Variants in ZNF367 observed in about 807,000 individuals in gnomAD.
The protein encoded by ZNF367 is C2H2 zinc finger protein ZFF29.
In ZNF367, 11 loss-of-function variants were observed where a neutral mutation model predicts 31.8. That is an observed-to-expected ratio of 0.35 (90% CI 0.22 to 0.57). The LOEUF is 0.57. ZNF367 is among the 20% of genes least tolerant of loss of function. The pLI is 0.85. For missense variants in ZNF367, 353 were observed against 484.1 expected (o/e 0.73, Z 2.54); for synonymous variants, 199 against 202.4 (o/e 0.98, Z 0.14).
intron 1 of ZNF367, among the ~76,000 whole-genome samples, chr9:96,406,666 G>A (rs1468226130): frequency 6.6e-6 from 1 of 152,092 alleles, no homozygotes; most frequent in African/African-American, 2.4e-5. Context: ...TTTTATGTTG[G>A]TAAATTCTCA....
At chr9:96,396,498 A>G (rs1354920155) in intron 2 of ZNF367, among the ~76,000 whole-genome samples, 3 of 152,022 alleles carry the variant, frequency 2.0e-5, no homozygotes, top group Non-Finnish European at 2.9e-5. Context: ...ATTTTCAAAA[A>G]CCACAAGTTA....
intron 2 of ZNF367, among the ~76,000 whole-genome samples, chr9:96,397,316 T>C (rs1831544952): frequency 7.3e-6 from 1 of 137,114 alleles, no homozygotes; most frequent in African/African-American, 3.2e-5. Flanking sequence ...CCCTCTATAC[T>C]TTTTTTTTTT....
intron 1 of ZNF367, among the ~76,000 whole-genome samples, chr9:96,415,479 A>ATTTTTTTTTTTTT (rs56349404): frequency 2.6e-5 from 1 of 37,756 alleles, no homozygotes; most frequent in Non-Finnish European, 4.8e-5. Flanking sequence ...TAGTTTCTTC[A>ATTTTTTTTTTTTT]TTTTTTTTTT....
chr9:96,417,732 C>T lies in ZNF367; in HGVS notation c.301G>A (p.Ala101Thr). 8.2e-7 allele frequency: 1 copy of T among 1,225,354 alleles called. No individual in the cohort carries two copies. The highest frequency in any genetic ancestry group is 1.0e-6 in the Non-Finnish European group (1 of 982,880). 75.9% of individuals were successfully genotyped at this position (1,225,354 alleles called of 1,614,324 possible). A position where few individuals can be genotyped will look rare whatever the true frequency, so the allele number is the denominator to read the frequency against. Residue 101 changes from alanine (A) to threonine (T), a missense_variant, in exon 1 of 5, where the codon GCC (alanine) becomes ACC (threonine). Ala to Thr is a moderately conservative substitution (Grantham distance 58). Around this residue, in one of 5 missense-constraint regions of ZNF367, gnomAD observed 70 missense variants for 57.1 expected, o/e 1.23. Transcript: ENST00000375256. The surrounding 1 kb of genome is among the most constrained non-coding windows in gnomAD (Gnocchi z 5.0). ...CGGCCACGAAGCCCCGAGTGCTCGGCGGCTGCGGCTGCAGGCAGGGCGGCC... is the reference window on the plus strand; with the variant it reads ...CGGCCACGAAGCCCCGAGTGCTCGGTGGCTGCGGCTGCAGGCAGGGCGGCC... The part of the protein sequence containing the change: ...ASAALPAAAA[A>T]EHSGLRGRGA...
intron 1 of ZNF367, among the ~76,000 whole-genome samples, chr9:96,399,798 A>G (rs1210589735): frequency 6.6e-6 from 1 of 152,178 alleles, no homozygotes; most frequent in East Asian, 1.9e-4. Flanking sequence ...GGCCTGGGTG[A>G]CAGAGCAAGA....
intron 1 of ZNF367, among the ~76,000 whole-genome samples, chr9:96,416,521 C>T (rs1361845418): frequency 6.6e-6 from 1 of 152,168 alleles, no homozygotes; most frequent in Non-Finnish European, 1.5e-5. Context: ...AAAACCCAAA[C>T]AATGTAGTTT....
chr9:96,405,673 T>TA (rs996856744), intron 1 of ZNF367, among the ~76,000 whole-genome samples: 10 of 152,202 alleles, frequency 6.6e-5, no homozygotes, highest in African/African-American at 1.4e-4. Context: ...AACAGTATGC[T>TA]AAAAAAAGAA....
In ZNF367 at chr9:96,385,960, T is replaced by C. The variant is rs1260251701; in HGVS notation, c.*2277A>G. The C allele has an allele frequency of 6.6e-6, 1 of 152,190 alleles. No individual in the cohort carries two copies. The highest frequency in any genetic ancestry group is 1.5e-5 in the Non-Finnish European group (1 of 68,028). 9.4% of individuals were successfully genotyped at this position (152,190 alleles called of 1,614,324 possible). On this transcript the variant is annotated 3_prime_UTR_variant, in exon 5 of 5. Transcript: ENST00000375256. Reference sequence around the variant, plus strand: ...TTTAAATTTTAAATTAAAATAAATTTTTATTCAAAGCATCTTTTAAAATTA... The same window carrying C: ...TTTAAATTTTAAATTAAAATAAATTCTTATTCAAAGCATCTTTTAAAATTA...
At position 96,398,183 on chromosome 9, in the gene ZNF367, A is replaced by G. The variant is rs187887321; in HGVS notation, c.552T>C (p.Ala184=). Residue 184 remains alanine, a synonymous_variant, in exon 2 of 5, where the codon GCT becomes GCC. Transcript: ENST00000375256. ...ACTTACCTGTATGAGTCCTTTTGTG[A>G]GCCTGGAGCGATTTCTCCCGTGGAA... The part of the protein sequence containing the change: ...RVFPREKSLQ[A]HKRTHTGERP... 11 of 1,553,098 alleles carry G rather than the reference A, an allele frequency of 7.1e-6. No individual in the cohort carries two copies. Among genetic ancestry groups the G allele is most frequent in the Middle Eastern group, 1.8e-4 (1 of 5,712 alleles).
intron 1 of ZNF367, among the ~76,000 whole-genome samples, chr9:96,402,714 C>T (rs538434716): frequency 3.3e-5 from 5 of 149,338 alleles, no homozygotes; most frequent in African/African-American, 9.9e-5. Context: ...TCAAGTGATC[C>T]GCCCACCTCG....
At chr9:96,393,538 T>A (rs1831496451) in intron 3 of ZNF367, among the ~76,000 whole-genome samples, 1 of 131,388 alleles carries the variant, frequency 7.6e-6, no homozygotes, top group Non-Finnish European at 1.6e-5. Flanking sequence ...AAAAAATAAA[T>A]AAATAAATAA....
intron 1 of ZNF367, among the ~76,000 whole-genome samples, chr9:96,401,002 G>T (rs544892288): frequency 6.6e-6 from 1 of 152,282 alleles, no homozygotes; most frequent in Non-Finnish European, 1.5e-5. Context: ...AAGGCAGGAG[G>T]ATCACTTGAA....
rs1012208854 is a variant in ZNF367 at position 96,418,065 on chromosome 9, G to A, written c.-33C>T. ...CCCGACCCCCAGCTCCGGCGGCCCC[G>A]GGCCGCACTCCTGAGCACCGCTCTG... On this transcript the variant is annotated 5_prime_UTR_variant, in exon 1 of 5. Coordinates refer to ENST00000375256, the MANE Select transcript of ZNF367 (RefSeq NM_153695.4). The A allele has an allele frequency of 2.4e-5, 33 of 1,351,036 alleles. No individual in the cohort carries two copies. The highest frequency in any genetic ancestry group is 3.1e-5 in the Non-Finnish European group (33 of 1,057,138). 83.7% of individuals were successfully genotyped at this position (1,351,036 alleles called of 1,614,324 possible).
chr9:96,413,295 C>G (rs1243704262), intron 1 of ZNF367, among the ~76,000 whole-genome samples: 1 of 152,186 alleles, frequency 6.6e-6, no homozygotes, highest in Non-Finnish European at 1.5e-5. Context: ...GAAATGCTTA[C>G]TCTGTGCCAG....
Position 96,389,623 on chromosome 9 carries a change from T to G in ZNF367, c.831-1164A>C, listed in dbSNP as rs370792135. Among the ~76,000 whole-genome samples the G allele has an allele frequency of 3.7e-4, 57 of 152,348 alleles. 1 individual carries two copies. The East Asian group carries it at 9.3e-3, about 25-fold the overall frequency. ...GAGATGGTGTCACAGTATATACATGTCAAAAATGTATCAAATTGTATACTT... is the reference window on the plus strand; with the variant it reads ...GAGATGGTGTCACAGTATATACATGGCAAAAATGTATCAAATTGTATACTT... On this transcript the variant is annotated intron_variant, in intron 4 of 4. Coordinates refer to ENST00000375256, the MANE Select transcript of ZNF367 (RefSeq NM_153695.4).
rs561653437 is a variant in ZNF367 at position 96,394,808 on chromosome 9, C to A, written c.691+15G>T. ...ACAACTAGTTATTCCATAAACTTAA[C>A]TTCTAACACCGTACCATTTTCTGAA... is the stretch of plus-strand genomic sequence containing the variant. On this transcript the variant is annotated intron_variant, in intron 3 of 4. Transcript: ENST00000375256. 21 of 1,612,632 alleles carry A rather than the reference C, an allele frequency of 1.3e-5. No homozygotes were observed. The highest frequency in any genetic ancestry group is 1.7e-4 in the Middle Eastern group (1 of 5,916).
Position 96,387,907 on chromosome 9 carries a change from G to C in ZNF367, c.*330C>G, listed in dbSNP as rs35154145. 0.027 allele frequency: 6,979 copies of C among 256,918 alleles called. 137 individuals carry two copies. Among genetic ancestry groups the C allele is most frequent in the Middle Eastern group, 0.05 (43 of 868 alleles). The allele number at this position is 256,918 out of a possible 1,614,324, so 15.9% of individuals were successfully genotyped here. ...TTGTACCATTCTGTTTTTCAAACAA[G>C]TGTCTTATTCAGAAAGTGCTTCCTG... On this transcript the variant is annotated 3_prime_UTR_variant, in exon 5 of 5. Transcript: ENST00000375256.
At chr9:96,401,133 G>A (rs1198553049) in intron 1 of ZNF367, among the ~76,000 whole-genome samples, 2 of 152,174 alleles carry the variant, frequency 1.3e-5, no homozygotes, top group Non-Finnish European at 2.9e-5. Context: ...GGCTGAGGAA[G>A]GAGGATCAGC....
intron 1 of ZNF367, among the ~76,000 whole-genome samples, chr9:96,409,637 A>T (rs1376610270): frequency 5.3e-5 from 8 of 152,286 alleles, no homozygotes; most frequent in Admixed American, 5.2e-4. Context: ...ATGACTTATT[A>T]AAGTACAAAT....
Sources: allele counts gnomAD v4.1 joint callset (sites outside exome capture counted in the v4.1 genomes callset), GRCh38; gene constraint gnomAD v4.1.1; regional missense constraint gnomAD v4.1.1; non-coding constraint Gnocchi (gnomAD v3.1); transcripts MANE v1.5; gene names NCBI Gene and HGNC (gene_info 2026-07-23, HGNC 2026-07-21).